Variants in WASHC5 observed in about 807,000 individuals in gnomAD.
WASHC5 encodes WASH complex subunit 5.
WASHC5 carries 101 observed loss-of-function variants against 150.4 expected under a neutral mutation model. The ratio of observed to expected loss-of-function variants is 0.67; its 90% confidence interval spans 0.57 to 0.79. The LOEUF (loss-of-function observed/expected upper bound fraction) is 0.79. Among genes scored for constraint, WASHC5 ranks in the 30% least tolerant of loss-of-function variants. The pLI, the probability that WASHC5 is intolerant of heterozygous loss-of-function variation, is 0.00. For missense variants in WASHC5, 1,195 were observed against 1,396.3 expected (o/e 0.86, Z 2.30); for synonymous variants, 467 against 491.2 (o/e 0.95, Z 0.65).
At position 125,081,886 on chromosome 8, in the gene WASHC5, A is replaced by G. The variant is rs555311596; in HGVS notation, c.418-125T>C. The stretch of plus-strand genomic sequence containing the variant: ...CAAAAAGTTTTAGATTTCAAGGAAA[A>G]GGTAGGTTTCCTCCAAGGAGCTCTT... On this transcript the variant is annotated intron_variant, in intron 4 of 28. Transcript: ENST00000318410. The G allele has an allele frequency of 7.0e-5, 50 of 713,202 alleles. 1 individual carries two copies. The East Asian group carries it at 1.2e-3, about 17-fold the overall frequency. The allele number at this position is 713,202 out of a possible 1,614,324, so 44.2% of individuals were successfully genotyped here.
rs1264238378 is a variant in WASHC5, at chr8:125,083,910, C to T, written c.-12G>A. The T allele has an allele frequency of 1.2e-6, 2 of 1,612,470 alleles. No individual in the cohort carries two copies. The highest frequency in any genetic ancestry group is 2.7e-5 in the African/African-American group (2 of 74,970). ...AGAAAGTCCAACATTGTGAGGCGGACCGACTACTCTGTGCCTGGACACTGG... is the reference window on the plus strand; with the variant it reads ...AGAAAGTCCAACATTGTGAGGCGGATCGACTACTCTGTGCCTGGACACTGG... On this transcript the variant is annotated 5_prime_UTR_variant, in exon 2 of 29. Transcript: ENST00000318410.
In WASHC5 at chr8:125,072,750, C is replaced by A. The variant is rs1318197966; in HGVS notation, c.1150+403G>T. ...TTAAAGGTCAGCTAATAGGCAACCT[C>A]AATCCCCCTTTTTCATGTAATATAT... On this transcript the variant is annotated intron_variant, in intron 9 of 28. Transcript: ENST00000318410. 2.6e-5 allele frequency among the ~76,000 whole-genome samples: 4 copies of A among 152,282 alleles called. No homozygotes were observed. In the South Asian group the frequency reaches 8.3e-4, roughly 32 times the overall value.
In WASHC5 at chr8:125,057,661, G is replaced by A. The variant is rs1241313059; in HGVS notation, c.1770C>T (p.Ala590=). The A allele has an allele frequency of 4.4e-6, 7 of 1,604,560 alleles. No homozygotes were observed. In the South Asian group the frequency reaches 7.7e-5, roughly 18 times the overall value. The change falls in exon 15 of 29, where the codon GCC becomes GCT. Residue 590 remains alanine (A), a synonymous_variant. Coordinates refer to ENST00000318410, the MANE Select transcript of WASHC5 (RefSeq NM_014846.4). ...GAAGAAGGGGCAGATCGAGGGCAGA[G>A]GCAAGCTGGAAGAAAAATAAGGTAT... ...TKLRATFLKL[A]SALDLPLLRI...
At chr8:125,048,895 T>C in intron 19 of WASHC5, 111 bp downstream of exon 19, 1 of 857,786 alleles carries the variant, frequency 1.2e-6, no homozygotes, top group Non-Finnish European at 1.8e-6. Context: ...ACTCTGAAGG[T>C]ACTGAGACTA....
chr8:125,050,260 T>C (rs1255187113), intron 18 of WASHC5, among the ~76,000 whole-genome samples: 6 of 152,182 alleles, frequency 3.9e-5, no homozygotes, highest in Non-Finnish European at 7.3e-5. Flanking sequence ...CTATAAGAAG[T>C]ACTTCTGAAT....
chr8:125,091,712 T>C lies in WASHC5; in HGVS notation c.-222A>G, dbSNP rs1190205243. The C allele has an allele frequency of 6.6e-6, 1 of 152,290 alleles. No individual in the cohort carries two copies. The highest frequency in any genetic ancestry group is 1.5e-5 in the Non-Finnish European group (1 of 68,122). 9.4% of individuals were successfully genotyped at this position (152,290 alleles called of 1,614,324 possible). A position where few individuals can be genotyped will look rare whatever the true frequency, so the allele number is the denominator to read the frequency against. On this transcript the variant is annotated 5_prime_UTR_variant, in exon 1 of 29. Coordinates refer to ENST00000318410, the MANE Select transcript of WASHC5 (RefSeq NM_014846.4). ...CCCCTCCCTCAAGGCGGCGGTCCTC[T>C]TCTATCCGCAGTCCCGGACCTGGAG...
At position 125,059,490 on chromosome 8, in the gene WASHC5, G is replaced by A. The variant is rs759920386; in HGVS notation, c.1574C>T (p.Ala525Val). 6.2e-7 allele frequency: 1 copy of A among 1,613,702 alleles called. No individual in the cohort carries two copies. The highest frequency in any genetic ancestry group is 1.7e-5 in the Admixed American group (1 of 60,008). ...TTGATGAAGAAACTTTCGAGTATCGGCAAGAAACTGACATACTTGCAGATT... is the reference window on the plus strand; with the variant it reads ...TTGATGAAGAAACTTTCGAGTATCGACAAGAAACTGACATACTTGCAGATT... Reference protein sequence around the residue: ...ESNLQVCQFLADTRKFLHQMI... With the variant: ...ESNLQVCQFLVDTRKFLHQMI... Residue 525 changes from alanine to valine, a missense_variant, in exon 13 of 29, where the codon GCC (alanine) becomes GTC (valine). Coordinates refer to ENST00000318410, the MANE Select transcript of WASHC5 (RefSeq NM_014846.4).
chr8:125,084,110 A>C, intron 1 of WASHC5, 88 bp from the exon 2 acceptor site: 1 of 553,750 alleles, frequency 1.8e-6, no homozygotes, highest in Non-Finnish European at 3.2e-6. Flanking sequence ...TCCCAAACTC[A>C]CTAAAAAAAT....
intron 1 of WASHC5, among the ~76,000 whole-genome samples, chr8:125,090,715 G>A (rs1377562253): frequency 6.6e-6 from 1 of 152,154 alleles, no homozygotes; most frequent in East Asian, 1.9e-4. Context: ...TCGAATTGTC[G>A]TGGACAAACA....
At chr8:125,081,594 T>C in intron 5 of WASHC5, 67 bp downstream of exon 5, 1 of 868,538 alleles carries the variant, frequency 1.2e-6, no homozygotes, top group Non-Finnish European at 2.0e-6. Context: ...GTATAAGGAA[T>C]ATGGGGACAT....
In WASHC5 at chr8:125,049,145, G is replaced by T; in HGVS notation, c.2240C>A (p.Thr747Asn). The T allele has an allele frequency of 1.2e-6, 2 of 1,614,060 alleles. No individual in the cohort carries two copies. Among genetic ancestry groups the T allele is most frequent in the Non-Finnish European group, 1.7e-6 (2 of 1,180,010 alleles). Residue 747 changes from threonine (T) to asparagine (N), a missense_variant, in exon 19 of 29, where the codon ACC becomes AAC. By Grantham distance (65) the Thr-to-Asn change is moderately conservative (BLOSUM62 0). Coordinates refer to ENST00000318410, the MANE Select transcript of WASHC5 (RefSeq NM_014846.4). ...LMPKLKELGA[T>N]MDGFHRSFEY... ...AAAAGAACGATGGAATCCATCCATG[G>T]TCGCTCCCAACTCTTTCAGCTTGGG...
chr8:125,063,982 T>C (rs938818675), intron 10 of WASHC5, among the ~76,000 whole-genome samples: 6 of 152,204 alleles, frequency 3.9e-5, no homozygotes, highest in South Asian at 2.1e-4. Context: ...GCATTTTTAA[T>C]GTGAGATTAA....
chr8:125,069,207 T>C (rs1816833120), intron 9 of WASHC5, among the ~76,000 whole-genome samples: 1 of 152,216 alleles, frequency 6.6e-6, no homozygotes, highest in Non-Finnish European at 1.5e-5. Context: ...GAGCTCTCTC[T>C]TGCACCCACT....
intron 21 of WASHC5, 43 bp from the exon 22 acceptor site, chr8:125,044,137 T>C: frequency 7.6e-7 from 1 of 1,310,080 alleles, no homozygotes; most frequent in Non-Finnish European, 1.1e-6. Flanking sequence ...ACATAATGAA[T>C]TAAACAAGCA....
intron 23 of WASHC5, 35 bp downstream of exon 23, chr8:125,043,790 A>G (rs1362541841): frequency 7.1e-7 from 1 of 1,418,046 alleles, no homozygotes. Flanking sequence ...TAAAAATGTA[A>G]GTATTGACTG....
chr8:125,042,108 G>A (rs138314292), intron 23 of WASHC5, among the ~76,000 whole-genome samples: 2,081 of 152,180 alleles, frequency 0.014, 11 homozygotes, highest in Middle Eastern at 0.02. Context: ...TGGTACTCAC[G>A]CACTTCAAGC....
At position 125,055,592 on chromosome 8, in the gene WASHC5, T is replaced by A; in HGVS notation, c.2096A>T (p.Lys699Met). 1 of 1,603,022 alleles carries A rather than the reference T, an allele frequency of 6.2e-7. No individual in the cohort carries two copies. Among genetic ancestry groups the A allele is most frequent in the Non-Finnish European group, 8.5e-7 (1 of 1,169,814 alleles). Residue 699 changes from lysine (K) to methionine (M), a missense_variant and splice_region_variant, in exon 17 of 29, where the codon AAG becomes ATG. By Grantham distance (95) the Lys-to-Met change is moderately conservative. Around this residue, in one of 3 missense-constraint regions of WASHC5, gnomAD observed 997 missense variants for 1,168.1 expected, o/e 0.85. Coordinates refer to ENST00000318410, the MANE Select transcript of WASHC5 (RefSeq NM_014846.4). ...MMKTTLVGII[K>M]VDPKQLLEDG... ...CACGCAGACTAACAAAACTGTTACC[T>A]TGATGATGCCAACCAAAGTCGTTTT...
chr8:125,075,572 C>A (rs74638659), intron 7 of WASHC5, among the ~76,000 whole-genome samples: 16,776 of 152,052 alleles, frequency 0.11, 2,165 homozygotes, highest in African/African-American at 0.31. Flanking sequence ...ACTTAGGAAC[C>A]TGAAGCCACA....
At chr8:125,082,904 T>C (rs76490198) in intron 3 of WASHC5, 15,768 of 468,814 alleles carry the variant, frequency 0.034, 554 homozygotes, top group South Asian at 0.15. Flanking sequence ...ACTAAGTTTA[T>C]TACAACACCT....
Sources: allele counts gnomAD v4.1 joint callset (sites outside exome capture counted in the v4.1 genomes callset), GRCh38; gene constraint gnomAD v4.1.1; regional missense constraint gnomAD v4.1.1; transcripts MANE v1.5; gene names NCBI Gene and HGNC (gene_info 2026-07-23, HGNC 2026-07-21).